TET3: variants seen among roughly 807,000 people sequenced by gnomAD.
TET3 encodes the protein tet methylcytosine dioxygenase 3.
Under a neutral mutation model 141.4 loss-of-function variants are expected in TET3, and 19 were observed. The observed-to-expected ratio is 0.13, with a 90% CI of 0.09 to 0.20. The LOEUF is 0.20. Among genes scored for constraint, TET3 ranks in the 10% least tolerant of loss-of-function variants. The probability of loss-of-function intolerance (pLI) is 1.00; values close to 1 mark genes in which losing one functional copy is unlikely to be tolerated. For synonymous variants in TET3, 1,043 were observed against 980.9 expected (o/e 1.06, Z -1.18); for missense variants, 1,874 against 2,356.9 (o/e 0.80, Z 4.24).
intron 2 of TET3, among the ~76,000 whole-genome samples, chr2:73,989,541 G>C (rs1341404217): frequency 6.6e-6 from 1 of 152,014 alleles, no homozygotes; most frequent in African/African-American, 2.4e-5. Flanking sequence ...GGGCTTTGTC[G>C]GTGGGGAGAA....
At chr2:73,992,550 GTGATC>G (rs1413550599) in intron 2 of TET3, among the ~76,000 whole-genome samples, 1 of 152,100 alleles carries the variant, frequency 6.6e-6, no homozygotes, top group Non-Finnish European at 1.5e-5. Flanking sequence ...CTGACCTCAG[GTGATC>G]TGCCCACCTT....
chr2:74,105,121 C>A lies in TET3; in HGVS notation c.*2945C>A. On this transcript the variant is annotated 3_prime_UTR_variant, in exon 12 of 12. Transcript: ENST00000409262. ...TACTGGCACTATCATTTTTTAAGTC[C>A]TAAAGATGATTAACAGACATTTTTA... The A allele has an allele frequency of 2.5e-6, 1 of 398,416 alleles. No homozygotes were observed. Among genetic ancestry groups the A allele is most frequent in the Non-Finnish European group, 4.4e-6 (1 of 226,042 alleles). 24.7% of individuals were successfully genotyped at this position (398,416 alleles called of 1,614,324 possible). A position where few individuals can be genotyped will look rare whatever the true frequency, so the allele number is the denominator to read the frequency against.
chr2:74,034,595 C>A (rs1389743150), intron 3 of TET3, among the ~76,000 whole-genome samples: 3 of 136,888 alleles, frequency 2.2e-5, no homozygotes, highest in Non-Finnish European at 3.1e-5. Context: ...AAAAAAAAAA[C>A]CCTGTTGTAG....
chr2:74,074,746 T>C (rs990788825), intron 5 of TET3, among the ~76,000 whole-genome samples: 18 of 132,448 alleles, frequency 1.4e-4, no homozygotes, highest in Non-Finnish European at 1.9e-4. Flanking sequence ...GATGAATTGA[T>C]GTGTGGAAAC....
intron 2 of TET3, among the ~76,000 whole-genome samples, chr2:73,988,213 C>T (rs751059461): frequency 5.3e-5 from 8 of 152,106 alleles, no homozygotes; most frequent in Admixed American, 6.6e-5. Context: ...TGTTATGAAG[C>T]GGGGGAGGCT....
intron 3 of TET3, among the ~76,000 whole-genome samples, chr2:74,032,483 G>GCGCGCGCGCGCGCGA (rs36143111): frequency 4.6e-5 from 7 of 150,566 alleles, no homozygotes; most frequent in South Asian, 4.2e-4. Flanking sequence ...GTGTGTGTGT[G>GCGCGCGCGCGCGCGA]TGTGTGTGTG....
At chr2:74,008,876 A>AACTTTT (rs1369472123) in intron 3 of TET3, among the ~76,000 whole-genome samples, 2 of 152,154 alleles carry the variant, frequency 1.3e-5, no homozygotes, top group Non-Finnish European at 2.9e-5. Context: ...CGAGGCCTGG[A>AACTTTT]ACTTTTACGC....
the TET3 span, among the ~76,000 whole-genome samples, chr2:74,123,988 G>A: frequency 9.5e-5 from 14 of 147,018 alleles, no homozygotes; most frequent in East Asian, 1.1e-3. Flanking sequence ...CTGCCCGGCC[G>A]CCCCGTCTGA....
At chr2:74,119,211 G>A in the TET3 span, among the ~76,000 whole-genome samples, 59 of 152,220 alleles carry the variant, frequency 3.9e-4, 1 homozygote, top group South Asian at 0.011. Flanking sequence ...AAATTAGCTG[G>A]GTATGGTGTC....
Position 74,103,829 on chromosome 2 carries a change from G to T in TET3, c.*1653G>T, listed in dbSNP as rs1386005548. 2 of 153,752 alleles carry T rather than the reference G, an allele frequency of 1.3e-5. No homozygotes were observed. 9.5% of individuals were successfully genotyped at this position (153,752 alleles called of 1,614,324 possible). On this transcript the variant is annotated 3_prime_UTR_variant, in exon 12 of 12. Coordinates refer to ENST00000409262, the MANE Select transcript of TET3 (RefSeq NM_001287491.2). Reference sequence around the variant, plus strand: ...GGGGCTTCATCAGGACACACAGAGGGGAATGTGGCCACACGGTGGATGACC... The same window carrying T: ...GGGGCTTCATCAGGACACACAGAGGTGAATGTGGCCACACGGTGGATGACC...
At chr2:74,014,598 A>G (rs1293425318) in intron 3 of TET3, among the ~76,000 whole-genome samples, 1 of 152,078 alleles carries the variant, frequency 6.6e-6, no homozygotes, top group African/African-American at 2.4e-5. Context: ...ATCAGTTTGA[A>G]TTTATTGCCT....
At chr2:74,002,887 G>T (rs1684938446) in intron 2 of TET3, 2 of 576,180 alleles carry the variant, frequency 3.5e-6, no homozygotes, top group South Asian at 2.1e-5. Context: ...TCTCAGAGGA[G>T]AAATGAAAAC....
chr2:74,038,709 C>T (rs1687193563), intron 3 of TET3, among the ~76,000 whole-genome samples: 1 of 152,182 alleles, frequency 6.6e-6, no homozygotes, highest in African/African-American at 2.4e-5. Context: ...AGTGACAGAG[C>T]TTTTTGAATG....
intron 3 of TET3, among the ~76,000 whole-genome samples, chr2:74,013,705 G>A (rs1339038630): frequency 6.6e-6 from 1 of 152,102 alleles, no homozygotes; most frequent in East Asian, 1.9e-4. Context: ...CCAGTTACTT[G>A]GGAGGCTGAG....
chr2:73,990,041 C>G (rs142347815), intron 2 of TET3, among the ~76,000 whole-genome samples: 8 of 152,222 alleles, frequency 5.3e-5, no homozygotes, highest in Admixed American at 3.3e-4. Flanking sequence ...TCCTAAACAT[C>G]TAGAAAATGA....
At chr2:74,044,618 C>T (rs918818120) in intron 3 of TET3, among the ~76,000 whole-genome samples, 3 of 152,216 alleles carry the variant, frequency 2.0e-5, no homozygotes, top group East Asian at 3.8e-4. Flanking sequence ...TTGGTGATGG[C>T]GTGGTTGACC....
Position 74,100,961 on chromosome 2 carries a change from C to T in TET3, c.4173C>T (p.Cys1391=). The T allele has an allele frequency of 6.2e-7, 1 of 1,611,816 alleles. No individual in the cohort carries two copies. The highest frequency in any genetic ancestry group is 8.5e-7 in the Non-Finnish European group (1 of 1,179,046). Residue 1391 remains cysteine, a synonymous_variant, in exon 12 of 12, where the codon TGC becomes TGT. Coordinates refer to ENST00000409262, the MANE Select transcript of TET3 (RefSeq NM_001287491.2). The part of the protein sequence containing the change: ...DPSPFAQSSN[C]YNRSIKQEPV... ...CCCCCTTTGCCCAGAGCTCCAACTG[C>T]TACAACAGATCCATCAAGCAAGAGC...
At chr2:73,988,675 G>A (rs1200243654) in intron 2 of TET3, among the ~76,000 whole-genome samples, 1 of 152,184 alleles carries the variant, frequency 6.6e-6, no homozygotes, top group East Asian at 1.9e-4. Flanking sequence ...GGTCAGGTAA[G>A]GTGAGGCTGG....
intron 3 of TET3, among the ~76,000 whole-genome samples, chr2:74,015,511 T>G (rs1685683181): frequency 6.6e-6 from 1 of 152,206 alleles, no homozygotes; most frequent in Non-Finnish European, 1.5e-5. Flanking sequence ...TTTTGAGTAG[T>G]CTTTTATTCG....
Sources: gnomAD v4.1 joint callset for allele counts (sites outside exome capture counted in the v4.1 genomes callset) on GRCh38, gnomAD v4.1.1 for gene constraint, MANE v1.5 for transcripts, NCBI Gene and HGNC (gene_info 2026-07-23, HGNC 2026-07-21) for gene names.